Variants in TAPT1 observed in about 807,000 individuals in gnomAD.
TAPT1 encodes transmembrane anterior posterior transformation 1, also known as transmembrane anterior posterior transformation protein 1 homolog.
In TAPT1, 28 loss-of-function variants were observed where a neutral mutation model predicts 65.6. That is an observed-to-expected ratio of 0.43 (90% CI 0.32 to 0.59). TAPT1 has a LOEUF of 0.59. TAPT1 is among the 20% of genes least tolerant of loss of function. The probability of loss-of-function intolerance (pLI) is 0.09; values close to 1 mark genes in which losing one functional copy is unlikely to be tolerated. For missense variants in TAPT1, 563 were observed against 679.9 expected, an observed-to-expected ratio of 0.83 and a Z score of 1.91; for synonymous variants, 278 against 245.2, an observed-to-expected ratio of 1.13 and a Z score of -1.25.
At chr4:16,188,764 CAAA>C (rs1232172395) in intron 4 of TAPT1, among the ~76,000 whole-genome samples, 1 of 151,896 alleles carries the variant, frequency 6.6e-6, no homozygotes, top group Non-Finnish European at 1.5e-5. Flanking sequence ...ACTAAAAATA[CAAA>C]AAATTAGCCG....
At chr4:16,174,093 CTTAA>C (rs1409348754) in intron 11 of TAPT1, 107 bp downstream of exon 11, 9 of 927,734 alleles carry the variant, frequency 9.7e-6, no homozygotes, top group African/African-American at 3.4e-5. Flanking sequence ...GTTATTTACC[CTTAA>C]TTTTTATATC....
At chr4:16,214,241 T>C (rs1001188305) in intron 1 of TAPT1, among the ~76,000 whole-genome samples, 2 of 152,158 alleles carry the variant, frequency 1.3e-5, no homozygotes, top group African/African-American at 2.4e-5. Context: ...GTGTCAAGAA[T>C]ATATAAAATA....
At chr4:16,227,256 G>A (rs1288123104), upstream of TAPT1, 3 of 455,390 alleles carry the variant, frequency 6.6e-6, no homozygotes, top group Non-Finnish European at 1.3e-5. Context: ...TTTCCACACT[G>A]TCTTTCGGGA....
chr4:16,214,584 CA>C (rs774132205), intron 1 of TAPT1: 15 of 152,166 alleles, frequency 9.9e-5, no homozygotes, highest in Non-Finnish European at 1.8e-4. Context: ...AAAACAAGGT[CA>C]AAGGAAGTTA....
Position 16,176,227 on chromosome 4 carries a change from A to T in TAPT1, c.999T>A (p.Asp333Glu), listed in dbSNP as rs767322893. 6.6e-7 allele frequency: 1 copy of T among 1,507,962 alleles called. No individual in the cohort carries two copies. The highest frequency in any genetic ancestry group is 8.9e-7 in the Non-Finnish European group (1 of 1,117,410). 93.4% of individuals were successfully genotyped at this position (1,507,962 alleles called of 1,614,324 possible). ...CATCTGGAAACAACACCCAGAGATGATCTGTAAATAGAAAAAAGAAAAACA... is the reference window on the plus strand; with the variant it reads ...CATCTGGAAACAACACCCAGAGATGTTCTGTAAATAGAAAAAAGAAAAACA... Reference protein sequence around the residue: ...RNMEQFSWNPDHLWVLFPDVC... With the variant: ...RNMEQFSWNPEHLWVLFPDVC... Residue 333 changes from aspartate (D) to glutamate (E), a missense_variant and splice_region_variant, in exon 9 of 14, where the codon GAT (aspartate) becomes GAA (glutamate). By Grantham distance (45) the Asp-to-Glu change is conservative. Around this residue, in one of 5 missense-constraint regions of TAPT1, gnomAD observed 217 missense variants for 317.5 expected, o/e 0.68. Coordinates refer to ENST00000405303, the MANE Select transcript of TAPT1 (RefSeq NM_153365.3).
intron 2 of TAPT1, among the ~76,000 whole-genome samples, chr4:16,209,290 T>A (rs1750524408): frequency 1.3e-5 from 2 of 152,196 alleles, no homozygotes; most frequent in Non-Finnish European, 2.9e-5. Flanking sequence ...TTGTACTATT[T>A]AAAAGCACTT....
chr4:16,173,604 T>G (rs911599961), intron 11 of TAPT1, among the ~76,000 whole-genome samples: 1 of 152,188 alleles, frequency 6.6e-6, no homozygotes, highest in African/African-American at 2.4e-5. Context: ...TGCAAAAAGT[T>G]TGGACAATTT....
chr4:16,190,845 G>C (rs1250260779), intron 4 of TAPT1: 1 of 154,816 alleles, frequency 6.5e-6, no homozygotes, highest in East Asian at 1.9e-4. Flanking sequence ...TACAAAAATT[G>C]GGAACTTATA....
At chr4:16,171,525 A>G (rs187995715) in intron 11 of TAPT1, among the ~76,000 whole-genome samples, 1 of 152,318 alleles carries the variant, frequency 6.6e-6, no homozygotes, top group Admixed American at 6.5e-5. Context: ...CAAGTTATCC[A>G]AAGTCTATTA....
chr4:16,176,280 C>T (rs2149676326), intron 8 of TAPT1, 52 bp from the exon 9 acceptor site: 1 of 873,672 alleles, frequency 1.1e-6, no homozygotes, highest in Non-Finnish European at 1.7e-6. Flanking sequence ...GAACAGAATC[C>T]ATATCACAGG....
rs1750560365 is a variant in TAPT1 at position 16,209,902 on chromosome 4, A to G, written c.330+3866T>C. On this transcript the variant is annotated intron_variant, in intron 2 of 13. Coordinates refer to ENST00000405303, the MANE Select transcript of TAPT1 (RefSeq NM_153365.3). ...ACAAGAGGTGGGATGTAAGTGTCCA[A>G]GTCAAGGTGGGGTATGGGACAGTGA... Among the ~76,000 whole-genome samples, 9 of 152,218 alleles carry G rather than the reference A, an allele frequency of 5.9e-5. No individual in the cohort carries two copies. The South Asian group carries it at 1.9e-3, about 32-fold the overall frequency.
chr4:16,173,291 G>C (rs1748120578), intron 11 of TAPT1, among the ~76,000 whole-genome samples: 1 of 151,956 alleles, frequency 6.6e-6, no homozygotes, highest in African/African-American at 2.4e-5. Context: ...CATTATTATA[G>C]CCTAACCTGG....
At chr4:16,172,130 G>C (rs1194809277) in intron 11 of TAPT1, among the ~76,000 whole-genome samples, 1 of 151,964 alleles carries the variant, frequency 6.6e-6, no homozygotes, top group Non-Finnish European at 1.5e-5. Flanking sequence ...CACACTGCAG[G>C]TGTTCCAAAA....
At chr4:16,225,180 T>A (rs1397668519) in intron 1 of TAPT1, among the ~76,000 whole-genome samples, 1 of 151,780 alleles carries the variant, frequency 6.6e-6, no homozygotes, top group South Asian at 2.1e-4. Context: ...TCCAAAAATA[T>A]AGACTGCTTC....
chr4:16,168,844 AG>A (rs1416812264), intron 12 of TAPT1, among the ~76,000 whole-genome samples: 1 of 152,202 alleles, frequency 6.6e-6, no homozygotes, highest in African/African-American at 2.4e-5. Flanking sequence ...CTATTCCCTG[AG>A]GGGCACTGGG....
intron 1 of TAPT1, among the ~76,000 whole-genome samples, chr4:16,224,499 C>T (rs1357914775): frequency 6.6e-6 from 1 of 152,152 alleles, no homozygotes; most frequent in Non-Finnish European, 1.5e-5. Context: ...AGCTGAAATA[C>T]TCCTGGAATT....
At chr4:16,226,051 G>C (rs921095364) in intron 1 of TAPT1, 38 of 1,012,174 alleles carry the variant, frequency 3.8e-5, no homozygotes, top group Non-Finnish European at 3.9e-5. Context: ...CGGGGGCCTC[G>C]GGGCTGCGCG....
chr4:16,213,962 C>T (rs1750788141), intron 1 of TAPT1, 64 bp from the exon 2 acceptor site: 1 of 1,440,160 alleles, frequency 6.9e-7, no homozygotes, highest in Non-Finnish European at 9.4e-7. Context: ...TCCACGCTAG[C>T]TGGGGCCACA....
Position 16,179,638 on chromosome 4 carries a change from T to G in TAPT1, c.936A>C (p.Thr312=). 1 of 1,537,958 alleles carries G rather than the reference T, an allele frequency of 6.5e-7. No individual in the cohort carries two copies. The highest frequency in any genetic ancestry group is 8.8e-7 in the Non-Finnish European group (1 of 1,142,392). The change falls in exon 8 of 14, where the codon ACA becomes ACC. Residue 312 remains threonine (T), a synonymous_variant. Transcript: ENST00000405303. ...MSNSDIKERF[T]NYVLLLIVCL... ...ACACTATCAGTAAAAGCACATAATTTGTGAATCGTTCCTTAATATCTAAAA... is the reference window on the plus strand; with the variant it reads ...ACACTATCAGTAAAAGCACATAATTGGTGAATCGTTCCTTAATATCTAAAA...
Sources: allele counts gnomAD v4.1 joint callset (sites outside exome capture counted in the v4.1 genomes callset), GRCh38; gene constraint gnomAD v4.1.1; regional missense constraint gnomAD v4.1.1; transcripts MANE v1.5; gene names NCBI Gene and HGNC (gene_info 2026-07-23, HGNC 2026-07-21).